The following PRKD3 variants were observed in gnomAD, a reference collection of about 807,000 sequenced individuals.
PRKD3 encodes protein kinase D3.
Under a neutral mutation model 99.2 loss-of-function variants are expected in PRKD3, and 47 were observed. The observed-to-expected ratio is 0.47, with a 90% CI of 0.38 to 0.60. The LOEUF is 0.60. PRKD3 is among the 20% of genes least tolerant of loss of function. The probability of loss-of-function intolerance (pLI) is 0.00; values close to 1 mark genes in which losing one functional copy is unlikely to be tolerated. For synonymous variants in PRKD3, 392 were observed against 355.4 expected, an observed-to-expected ratio of 1.10 and a Z score of -1.16; for missense variants, 1,019 against 1,088.4, an observed-to-expected ratio of 0.94 and a Z score of 0.90.
At chr2:37,302,003 T>C (rs891073717) in intron 2 of PRKD3, among the ~76,000 whole-genome samples, 2 of 152,028 alleles carry the variant, frequency 1.3e-5, no homozygotes, top group Non-Finnish European at 2.9e-5. Flanking sequence ...CCACCCAAAA[T>C]GTCAATAGTG....
At chr2:37,269,441 A>G (rs1669071671) in intron 13 of PRKD3, 174 bp downstream of exon 13, 2 of 603,196 alleles carry the variant, frequency 3.3e-6, no homozygotes, top group South Asian at 2.0e-5. Flanking sequence ...CAATGACATT[A>G]AGGGAAGAAT....
intron 14 of PRKD3, among the ~76,000 whole-genome samples, chr2:37,263,941 C>T (rs540637841): frequency 9.2e-5 from 14 of 152,180 alleles, no homozygotes; most frequent in Non-Finnish European, 1.9e-4. Flanking sequence ...CCACAATGTT[C>T]AAACCAGAAA....
At chr2:37,324,387 C>T (rs990491797) in intron 1 of PRKD3, 1 of 201,064 alleles carries the variant, frequency 5.0e-6, no homozygotes, top group Non-Finnish European at 8.9e-6. Flanking sequence ...CGCGCGGACG[C>T]CGGAACTTGG....
In PRKD3 at chr2:37,316,464, C is replaced by G; in HGVS notation, c.61G>C (p.Ala21Pro). The change falls in exon 2 of 19, where the codon GCT becomes CCT. Residue 21 changes from alanine to proline, a missense_variant. This residue lies in a region of PRKD3 where 710 missense variants were observed against 692.7 expected (regional missense o/e 1.02). Transcript: ENST00000234179. ...CACGGAGAAGCAGCTGGAAGCACAG[C>G]AGGAATAGCTGTGGGTAATACAGAC... is the stretch of plus-strand genomic sequence containing the variant. ...QKSVLPTAIP[A>P]VLPAASPCSS... The G allele has an allele frequency of 1.2e-6, 2 of 1,614,232 alleles. No individual in the cohort carries two copies. The highest frequency in any genetic ancestry group is 2.2e-5 in the South Asian group (2 of 91,078).
chr2:37,317,503 C>G (rs765746872), intron 1 of PRKD3, among the ~76,000 whole-genome samples: 3 of 151,816 alleles, frequency 2.0e-5, no homozygotes, highest in African/African-American at 4.9e-5. Flanking sequence ...TGAGTTATAT[C>G]AAAAACAGAA....
At chr2:37,274,186 T>A (rs1395188637) in intron 11 of PRKD3, among the ~76,000 whole-genome samples, 1 of 152,164 alleles carries the variant, frequency 6.6e-6, no homozygotes, top group Non-Finnish European at 1.5e-5. Flanking sequence ...TAGCCAGGAT[T>A]TTCATGTAGG....
Position 37,316,500 on chromosome 2 carries a change from A to G in PRKD3, c.25T>C (p.Ser9Pro), listed in dbSNP as rs1237563345. The change falls in exon 2 of 19, where the codon TCA becomes CCA. Residue 9 changes from serine (S) to proline (P), a missense_variant. Coordinates refer to ENST00000234179, the MANE Select transcript of PRKD3 (RefSeq NM_005813.6). MSANNSPP[S>P]AQKSVLPTAI... Reference sequence around the variant, plus strand: ...GTGGGTAATACAGACTTCTGGGCTGATGGAGGGGAATTATTTGCAGACATC... The same window carrying G: ...GTGGGTAATACAGACTTCTGGGCTGGTGGAGGGGAATTATTTGCAGACATC... The G allele has an allele frequency of 6.2e-7, 1 of 1,612,830 alleles. No homozygotes were observed. The highest frequency in any genetic ancestry group is 2.2e-5 in the East Asian group (1 of 44,874).
intron 3 of PRKD3, among the ~76,000 whole-genome samples, chr2:37,292,713 A>T (rs543861727): frequency 1.3e-5 from 2 of 151,956 alleles, no homozygotes; most frequent in Admixed American, 1.3e-4. Flanking sequence ...TAGTGTGATC[A>T]TGGCCCACTG....
intron 9 of PRKD3, among the ~76,000 whole-genome samples, chr2:37,276,444 G>GT (rs1669574320): frequency 1.3e-5 from 2 of 152,180 alleles, no homozygotes; most frequent in South Asian, 4.1e-4. Flanking sequence ...GTTCTTATGT[G>GT]TAAGAGTCAT....
intron 2 of PRKD3, among the ~76,000 whole-genome samples, chr2:37,298,070 T>G (rs1033932451): frequency 6.6e-6 from 1 of 152,224 alleles, no homozygotes; most frequent in East Asian, 1.9e-4. Flanking sequence ...AACATTTATA[T>G]ATATCAATAT....
chr2:37,293,657 T>C (rs72863172), intron 2 of PRKD3, among the ~76,000 whole-genome samples: 6,337 of 152,300 alleles, frequency 0.042, 370 homozygotes, highest in African/African-American at 0.13. Context: ...AATTCTTCAG[T>C]AGATCTCAGA....
intron 9 of PRKD3, among the ~76,000 whole-genome samples, chr2:37,276,148 C>A (rs1042604783): frequency 2.0e-5 from 3 of 152,072 alleles, no homozygotes; most frequent in African/African-American, 7.2e-5. Flanking sequence ...CATACACACA[C>A]ACACATAAAA....
Position 37,293,262 on chromosome 2 carries a change from A to C in PRKD3, c.298T>G (p.Cys100Gly), listed in dbSNP as rs765855926. Residue 100 changes from cysteine (C) to glycine (G), a missense_variant, in exon 3 of 19, where the codon TGT (cysteine) becomes GGT (glycine). Cys to Gly is a radical substitution (Grantham distance 159). Transcript: ENST00000234179. ...TTGTCATACATGCCAAAGAATCCAC[A>C]CTCTGGAAACTGAGGGATAATAGTC... Reference protein sequence around the residue: ...CSIVYQKFPECGFFGMYDKIL... With the variant: ...CSIVYQKFPEGGFFGMYDKIL... 13 of 1,591,220 alleles carry C rather than the reference A, an allele frequency of 8.2e-6. No homozygotes were observed. The highest frequency in any genetic ancestry group is 6.7e-5 in the African/African-American group (5 of 74,636).
intron 12 of PRKD3, among the ~76,000 whole-genome samples, chr2:37,271,954 G>A (rs1669294058): frequency 6.6e-6 from 1 of 152,112 alleles, no homozygotes; most frequent in Non-Finnish European, 1.5e-5. Context: ...TCCATTTCCT[G>A]CTTCCCTGTT....
Position 37,289,345 on chromosome 2 carries a change from A to G in PRKD3, c.717+11T>C. 1.2e-6 allele frequency: 2 copies of G among 1,613,168 alleles called. No individual in the cohort carries two copies. The highest frequency in any genetic ancestry group is 1.7e-6 in the Non-Finnish European group (2 of 1,179,616). On this transcript the variant is annotated intron_variant, in intron 5 of 18. Coordinates refer to ENST00000234179, the MANE Select transcript of PRKD3 (RefSeq NM_005813.6). ...CTACTACTAAAATGTCTATTACCTT[A>G]GAATACGTACCTCTTCACTGGGAAG... is the stretch of plus-strand genomic sequence containing the variant.
At chr2:37,279,178 G>C (rs139830482) in intron 8 of PRKD3, 26 of 152,044 alleles carry the variant, frequency 1.7e-4, no homozygotes, top group Admixed American at 8.5e-4. Flanking sequence ...TTTGCTACAA[G>C]GTAGTATATC....
At chr2:37,277,208 C>G (rs1276916369) in intron 9 of PRKD3, among the ~76,000 whole-genome samples, 1 of 152,062 alleles carries the variant, frequency 6.6e-6, no homozygotes, top group Non-Finnish European at 1.5e-5. Context: ...GACACTGTTC[C>G]AAGATCTTCT....
intron 2 of PRKD3, among the ~76,000 whole-genome samples, chr2:37,308,223 T>A (rs1178660196): frequency 6.6e-6 from 1 of 152,208 alleles, no homozygotes; most frequent in Non-Finnish European, 1.5e-5. Context: ...GCCGTAACAT[T>A]TTCCCAATCT....
intron 14 of PRKD3, among the ~76,000 whole-genome samples, chr2:37,265,180 G>A (rs1032232303): frequency 2.0e-5 from 3 of 152,066 alleles, no homozygotes; most frequent in East Asian, 1.9e-4. Flanking sequence ...AGAATGACAC[G>A]GGGCAAAGAT....
Sources: allele counts gnomAD v4.1 joint callset (sites outside exome capture counted in the v4.1 genomes callset), GRCh38; gene constraint gnomAD v4.1.1; regional missense constraint gnomAD v4.1.1; transcripts MANE v1.5; gene names NCBI Gene and HGNC (gene_info 2026-07-23, HGNC 2026-07-21).